RECQL: variants seen among roughly 807,000 people sequenced by gnomAD.
RECQL encodes ATP-dependent DNA helicase Q1.
In RECQL, 73 loss-of-function variants were observed where a neutral mutation model predicts 75.8. The ratio of observed to expected loss-of-function variants is 0.96; its 90% confidence interval spans 0.80 to 1.17. The LOEUF (loss-of-function observed/expected upper bound fraction) is 1.17. Among genes scored for constraint, RECQL ranks in the 50% most tolerant of loss-of-function variants. RECQL has a pLI of 0.00. For synonymous variants in RECQL, 248 were observed against 254.4 expected (o/e 0.97, Z 0.24); for missense variants, 699 against 772.1 (o/e 0.91, Z 1.12).
intron 2 of RECQL, among the ~76,000 whole-genome samples, chr12:21,495,195 G>A (rs1943481994): frequency 6.6e-6 from 1 of 152,204 alleles, no homozygotes; most frequent in Admixed American, 6.5e-5. Context: ...TAAGGCAGAG[G>A]TTGGAGCCTG....
In RECQL at chr12:21,499,628, G is replaced by C. The variant is rs1454477394; in HGVS notation, c.-45-13C>G. 7.1e-7 allele frequency: 1 copy of C among 1,399,216 alleles called. No homozygotes were observed. The highest frequency in any genetic ancestry group is 1.4e-5 in the African/African-American group (1 of 69,134). The allele number at this position is 1,399,216 out of a possible 1,614,324, so 86.7% of individuals were successfully genotyped here. A position where few individuals can be genotyped will look rare whatever the true frequency, so the allele number is the denominator to read the frequency against. On this transcript the variant is annotated splice_polypyrimidine_tract_variant and intron_variant, in intron 1 of 14. Coordinates refer to ENST00000444129, the MANE Select transcript of RECQL (RefSeq NM_002907.4). ...TCCAAATTTCTTTCTAAAAATAAAA[G>C]CACAACAGTGACAACAAGTTTTTAA...
intron 7 of RECQL, among the ~76,000 whole-genome samples, chr12:21,477,593 A>G (rs571207299): frequency 6.6e-6 from 1 of 152,366 alleles, no homozygotes; most frequent in Admixed American, 6.5e-5. Flanking sequence ...AGTATCACCT[A>G]GCAGGTGTCT....
At chr12:21,482,557 G>A (rs1014645494) in intron 6 of RECQL, among the ~76,000 whole-genome samples, 1 of 152,180 alleles carries the variant, frequency 6.6e-6, no homozygotes, top group African/African-American at 2.4e-5. Context: ...AAGTCTAGAT[G>A]AATCCAGCAT....
chr12:21,485,451 A>T (rs1943274930), intron 5 of RECQL, among the ~76,000 whole-genome samples: 1 of 152,044 alleles, frequency 6.6e-6, no homozygotes, highest in Non-Finnish European at 1.5e-5. Context: ...TTCAACAAAG[A>T]ATTTGCATGG....
intron 11 of RECQL, among the ~76,000 whole-genome samples, chr12:21,474,204 T>C (rs925096014): frequency 1.3e-5 from 2 of 152,084 alleles, no homozygotes; most frequent in Admixed American, 6.6e-5. Flanking sequence ...CATGAGACTC[T>C]ACTGGCCTTT....
Position 21,495,593 on chromosome 12 carries a change from C to CA in RECQL, c.17-3878dup, listed in dbSNP as rs1321790382. ...CTGGGTGACAGAGTGAGACTCCGTCCAAAAAAAAAAGAAAGAAAAAGAGAA... is the reference window on the plus strand; with the variant it reads ...CTGGGTGACAGAGTGAGACTCCGTCCAAAAAAAAAAAGAAAGAAAAAGAGAA... On this transcript the variant is annotated intron_variant, in intron 2 of 14. Transcript: ENST00000444129. Among the ~76,000 whole-genome samples the CA allele has an allele frequency of 7.9e-3, 1,126 of 143,364 alleles. 15 individuals carry two copies. Among genetic ancestry groups the CA allele is most frequent in the African/African-American group, 0.027 (1,060 of 39,144 alleles). The allele number at this position is 143,364 out of a possible 152,430, so 94.1% of individuals were successfully genotyped here.
Position 21,468,976 on chromosome 12 carries a change from A to G in RECQL, c.*1218T>C, listed in dbSNP as rs1591962427. On this transcript the variant is annotated 3_prime_UTR_variant, in exon 15 of 15. Transcript: ENST00000444129. ...TTCCAATACAACACTGACCGCTTAG[A>G]TAAAAATCTTAAGTTATTTATTTCT... is the stretch of plus-strand genomic sequence containing the variant. The G allele has an allele frequency of 5.0e-6, 2 of 403,148 alleles. No homozygotes were observed. Among genetic ancestry groups the G allele is most frequent in the Non-Finnish European group, 8.8e-6 (2 of 227,610 alleles). The allele number at this position is 403,148 out of a possible 1,614,324, so 25.0% of individuals were successfully genotyped here.
At chr12:21,474,696 T>G (rs1280070702) in intron 11 of RECQL, 145 bp downstream of exon 11, 5 of 681,688 alleles carry the variant, frequency 7.3e-6, no homozygotes, top group Non-Finnish European at 1.2e-5. Context: ...CAGGTTGATG[T>G]GCTGGTTCCT....
At chr12:21,499,638 GACA>G (rs1943569372) in intron 1 of RECQL, 23 bp from the exon 2 acceptor site, 5 of 1,307,322 alleles carry the variant, frequency 3.8e-6, no homozygotes, top group East Asian at 2.3e-5. Context: ...GCACAACAGT[GACA>G]ACAAGTTTTT....
intron 12 of RECQL, 62 bp downstream of exon 12, chr12:21,473,489 T>C: frequency 1.6e-6 from 2 of 1,241,540 alleles, no homozygotes; most frequent in East Asian, 4.7e-5. Context: ...TCAGAACGTA[T>C]CTCTGTCACT....
chr12:21,498,311 G>C (rs182662666), intron 2 of RECQL, among the ~76,000 whole-genome samples: 1 of 152,300 alleles, frequency 6.6e-6, no homozygotes, highest in Admixed American at 6.5e-5. Context: ...TCAGTGAATA[G>C]TGCTGTTTCT....
rs76130258 is a variant in RECQL at position 21,490,665 on chromosome 12, G to A, written c.215-287C>T. Among the ~76,000 whole-genome samples the A allele has an allele frequency of 0.04, 6,040 of 152,096 alleles. 134 individuals are homozygous for A. Among genetic ancestry groups the A allele is most frequent in the Middle Eastern group, 0.061 (18 of 294 alleles). On this transcript the variant is annotated intron_variant, in intron 3 of 14. Transcript: ENST00000444129. ...GTTCGAGACCAGCCTGAGCTCAAGC[G>A]ATGGCAAGACTCTATCCCTATAAAA...
chr12:21,497,414 A>G (rs1435473784), intron 2 of RECQL, among the ~76,000 whole-genome samples: 1 of 152,260 alleles, frequency 6.6e-6, no homozygotes, highest in Non-Finnish European at 1.5e-5. Flanking sequence ...GCATCTCTCC[A>G]GAGTGATCCT....
chr12:21,497,802 G>C (rs1306147977), intron 2 of RECQL, among the ~76,000 whole-genome samples: 1 of 152,172 alleles, frequency 6.6e-6, no homozygotes, highest in Non-Finnish European at 1.5e-5. Flanking sequence ...CACTCACGAA[G>C]ACCCATCTGG....
intron 2 of RECQL, among the ~76,000 whole-genome samples, chr12:21,493,150 T>C (rs1417546293): frequency 6.6e-6 from 1 of 152,252 alleles, no homozygotes; most frequent in East Asian, 1.9e-4. Context: ...ACAGGTTCTC[T>C]GAATTGTTTC....
chr12:21,469,031 G>A lies in RECQL; in HGVS notation c.*1163C>T, dbSNP rs1210167774. 2.1e-5 allele frequency: 6 copies of A among 282,554 alleles called. No homozygotes were observed. Among genetic ancestry groups the A allele is most frequent in the Non-Finnish European group, 4.0e-5 (6 of 149,292 alleles). 17.5% of individuals were successfully genotyped at this position (282,554 alleles called of 1,614,324 possible). A position where few individuals can be genotyped will look rare whatever the true frequency, so the allele number is the denominator to read the frequency against. On this transcript the variant is annotated 3_prime_UTR_variant, in exon 15 of 15. Transcript: ENST00000444129. ...TTTAAACATAAATATGTTTACTTGTGATTTAGCTTTGGAGCAAATTTAGGT... is the reference window on the plus strand; with the variant it reads ...TTTAAACATAAATATGTTTACTTGTAATTTAGCTTTGGAGCAAATTTAGGT...
At chr12:21,500,476 C>T (rs923886011) in intron 1 of RECQL, among the ~76,000 whole-genome samples, 6 of 152,192 alleles carry the variant, frequency 3.9e-5, no homozygotes, top group South Asian at 2.1e-4. Flanking sequence ...GCTGACCTTA[C>T]GCCCTTTCTA....
chr12:21,495,855 G>A (rs1943497992), intron 2 of RECQL, among the ~76,000 whole-genome samples: 1 of 152,182 alleles, frequency 6.6e-6, no homozygotes, highest in Non-Finnish European at 1.5e-5. Context: ...GGCAGCAGCA[G>A]GTTCAAGTCC....
chr12:21,470,810 C>T, intron 14 of RECQL, 159 bp downstream of exon 14: 1 of 475,822 alleles, frequency 2.1e-6, no homozygotes, highest in South Asian at 8.1e-5. Context: ...TACATCTTTA[C>T]AGAAAACTAT....
Sources: allele counts gnomAD v4.1 joint callset (sites outside exome capture counted in the v4.1 genomes callset), GRCh38; gene constraint gnomAD v4.1.1; transcripts MANE v1.5; gene names NCBI Gene and HGNC (gene_info 2026-07-23, HGNC 2026-07-21).